DGAT2: variants seen among roughly 807,000 people sequenced by gnomAD.
The protein encoded by DGAT2 is diacylglycerol O-acyltransferase 2.
A neutral mutation model predicts 48.4 loss-of-function variants in DGAT2; 33 were observed. That is an observed-to-expected ratio of 0.68 (90% CI 0.52 to 0.91). The LOEUF is 0.91. Ranked by LOEUF, DGAT2 falls within the 40% of genes least tolerant of loss-of-function variation. The probability of loss-of-function intolerance (pLI) is 0.00; values close to 1 mark genes in which losing one functional copy is unlikely to be tolerated. For synonymous variants in DGAT2, 191 were observed against 194.1 expected (o/e 0.98, Z 0.13); for missense variants, 446 against 493.7 (o/e 0.90, Z 0.92).
At chr11:75,796,663 C>A in intron 5 of DGAT2, 131 bp downstream of exon 5, 1 of 916,232 alleles carries the variant, frequency 1.1e-6, no homozygotes, top group Non-Finnish European at 1.7e-6. Flanking sequence ...ATGCAACCTG[C>A]TTCAGACATG....
chr11:75,797,191 A>G lies in DGAT2; in HGVS notation c.668A>G (p.Tyr223Cys), dbSNP rs1945065850. ...CCTGTCAGCCGGGACACCATAGACT[A>G]TTTGCTTTCAAAGAATGGGAGTGGC... The part of the protein sequence containing the change: ...ICPVSRDTID[Y>C]LLSKNGSGNA... Residue 223 changes from tyrosine to cysteine, a missense_variant, in exon 6 of 8, where the codon TAT becomes TGT. Transcript: ENST00000228027. 1 of 1,547,486 alleles carries G rather than the reference A, an allele frequency of 6.5e-7. No homozygotes were observed. The highest frequency in any genetic ancestry group is 1.2e-5 in the South Asian group (1 of 81,404).
Position 75,772,991 on chromosome 11 carries a change from A to C in DGAT2, c.121+3879A>C, listed in dbSNP as rs183979170. On this transcript the variant is annotated intron_variant, in intron 1 of 7. Coordinates refer to ENST00000228027, the MANE Select transcript of DGAT2 (RefSeq NM_032564.5). ...GGTAACAGAGCGAGACTCCATCTCA[A>C]AACAAAACAAAAAGAACAAACAGAA... 5.6e-3 allele frequency among the ~76,000 whole-genome samples: 857 copies of C among 152,332 alleles called. 5 individuals carry two copies. Among genetic ancestry groups the C allele is most frequent in the Non-Finnish European group, 6.4e-3 (434 of 68,020 alleles).
chr11:75,780,303 C>G (rs544832692), intron 1 of DGAT2, among the ~76,000 whole-genome samples: 58 of 152,340 alleles, frequency 3.8e-4, no homozygotes, highest in Non-Finnish European at 7.8e-4. Flanking sequence ...GTGGCAAGGA[C>G]TGGCAGTGTT....
intron 5 of DGAT2, 118 bp downstream of exon 5, chr11:75,796,650 G>A (rs1230738135): frequency 1.9e-6 from 2 of 1,055,122 alleles, no homozygotes; most frequent in African/African-American, 1.6e-5. Flanking sequence ...CCTGCATTGG[G>A]AGATGCAACC....
chr11:75,796,651 A>T, intron 5 of DGAT2, 119 bp downstream of exon 5: 1 of 1,021,360 alleles, frequency 9.8e-7, no homozygotes, highest in South Asian at 1.6e-5. Context: ...CTGCATTGGG[A>T]GATGCAACCT....
chr11:75,791,433 AC>A (rs968494383), intron 4 of DGAT2, among the ~76,000 whole-genome samples: 1 of 151,832 alleles, frequency 6.6e-6, no homozygotes, highest in African/African-American at 2.4e-5. Flanking sequence ...CCTTTTCCTG[AC>A]CCCATCTCTC....
intron 1 of DGAT2, among the ~76,000 whole-genome samples, chr11:75,778,337 C>A (rs1428263063): frequency 6.6e-6 from 1 of 152,164 alleles, no homozygotes; most frequent in African/African-American, 2.4e-5. Context: ...CTGGCGAAGC[C>A]TCATGGCCTC....
At chr11:75,769,306 C>G (rs1412868557) in intron 1 of DGAT2, among the ~76,000 whole-genome samples, 194 bp downstream of exon 1, 1 of 152,180 alleles carries the variant, frequency 6.6e-6, no homozygotes, top group East Asian at 1.9e-4. Context: ...GGAGCGGTAC[C>G]ACCCACCATT....
chr11:75,797,074 T>G, intron 5 of DGAT2, 84 bp from the exon 6 acceptor site: 3 of 1,353,410 alleles, frequency 2.2e-6, no homozygotes, highest in Non-Finnish European at 2.9e-6. Context: ...CCAGGGTTCT[T>G]TATGTTTTAT....
chr11:75,800,392 A>G lies in DGAT2; in HGVS notation c.1051A>G (p.Thr351Ala). 1 of 1,614,102 alleles carries G rather than the reference A, an allele frequency of 6.2e-7. No homozygotes were observed. The highest frequency in any genetic ancestry group is 1.3e-5 in the African/African-American group (1 of 75,022). Reference protein sequence around the residue: ...PITIPKLEHPTQQDIDLYHTM... With the variant: ...PITIPKLEHPAQQDIDLYHTM... ...CACCATCCCCAAGCTGGAGCACCCA[A>G]CCCAGCAAGACATCGACCTGTACCA... Residue 351 changes from threonine to alanine, a missense_variant, in exon 8 of 8, where the codon ACC becomes GCC. Physicochemically the swap from Thr to Ala is moderately conservative, Grantham distance 58 (BLOSUM62 0). Coordinates refer to ENST00000228027, the MANE Select transcript of DGAT2 (RefSeq NM_032564.5).
At chr11:75,790,890 T>G (rs923432798) in intron 4 of DGAT2, among the ~76,000 whole-genome samples, 159 bp downstream of exon 4, 1 of 152,194 alleles carries the variant, frequency 6.6e-6, no homozygotes, top group Non-Finnish European at 1.5e-5. Flanking sequence ...ACTGCTCTTC[T>G]GAGTATCCAT....
chr11:75,787,101 T>C (rs1944930592), intron 2 of DGAT2, among the ~76,000 whole-genome samples: 1 of 152,226 alleles, frequency 6.6e-6, no homozygotes, highest in African/African-American at 2.4e-5. Context: ...TACAAAGTTA[T>C]ATGAAAATAC....
chr11:75,775,345 CCACCTGG>C (rs933123271), intron 1 of DGAT2, among the ~76,000 whole-genome samples: 5 of 152,220 alleles, frequency 3.3e-5, no homozygotes, highest in African/African-American at 1.2e-4. Context: ...GGCCCACTTC[CCACCTGG>C]CACACCTAGC....
intron 1 of DGAT2, among the ~76,000 whole-genome samples, chr11:75,777,250 G>C (rs1944811894): frequency 1.3e-5 from 2 of 151,490 alleles, no homozygotes; most frequent in South Asian, 4.1e-4. Context: ...TTTTCCCTAA[G>C]TTATTTAGAT....
intron 1 of DGAT2, among the ~76,000 whole-genome samples, chr11:75,774,881 CAGTG>C (rs1437599696): frequency 6.6e-6 from 1 of 152,150 alleles, no homozygotes; most frequent in Non-Finnish European, 1.5e-5. Flanking sequence ...TGCTTGGTCA[CAGTG>C]GGTGGGGTGG....
intron 6 of DGAT2, 61 bp downstream of exon 6, chr11:75,797,393 C>T (rs568907378): frequency 1.0e-5 from 14 of 1,363,194 alleles, no homozygotes; most frequent in Middle Eastern, 2.7e-4. Context: ...GGGCAGCAGA[C>T]TCCTTGGCCC....
chr11:75,790,367 C>T, intron 3 of DGAT2, 72 bp downstream of exon 3: 1 of 1,295,284 alleles, frequency 7.7e-7, no homozygotes, highest in East Asian at 2.3e-5. Flanking sequence ...GCTGAAGGGC[C>T]TCATCCTGAG....
intron 1 of DGAT2, chr11:75,775,920 C>G (rs1248888717): frequency 6.6e-6 from 1 of 152,260 alleles, no homozygotes; most frequent in Admixed American, 6.5e-5. Context: ...GTGGGCAGCC[C>G]AGGAGCAGAA....
intron 2 of DGAT2, among the ~76,000 whole-genome samples, chr11:75,789,321 T>A (rs1030561177): frequency 3.3e-5 from 5 of 152,168 alleles, no homozygotes; most frequent in Non-Finnish European, 7.3e-5. Flanking sequence ...GCTAATTTTT[T>A]AAATTTTTTT....
Sources: gnomAD v4.1 joint callset for allele counts (sites outside exome capture counted in the v4.1 genomes callset) on GRCh38, gnomAD v4.1.1 for gene constraint, MANE v1.5 for transcripts, NCBI Gene and HGNC (gene_info 2026-07-23, HGNC 2026-07-21) for gene names.